PROM1: variants seen among roughly 807,000 people sequenced by gnomAD.
PROM1 encodes prominin 1.
A neutral mutation model predicts 116.9 loss-of-function variants in PROM1; 105 were observed. The ratio of observed to expected loss-of-function variants is 0.90; its 90% CI spans 0.77 to 1.06. PROM1 has a LOEUF of 1.06. Among genes scored for constraint, PROM1 ranks in the 50% least tolerant of loss-of-function variants. The probability of loss-of-function intolerance (pLI) is 0.00; values close to 1 mark genes in which losing one functional copy is unlikely to be tolerated. For missense variants in PROM1, 1,122 were observed against 1,045.2 expected (o/e 1.07, Z -1.01); for synonymous variants, 393 against 387.0 (o/e 1.02, Z -0.18).
In PROM1 at chr4:15,979,906, T is replaced by C. The variant is rs375813885; in HGVS notation, c.2490-2A>G. On this transcript the variant is annotated splice_acceptor_variant, in intron 24 of 27. Transcript: ENST00000447510. LOFTEE classifies it high-confidence loss of function. ...TTTTTCATGGGTATAGTTTCAACAC[T>C]ATAAAATACAAAAAAGGGAGATAAA... The C allele has an allele frequency of 1.1e-4, 157 of 1,389,730 alleles. No individual in the cohort carries two copies. Among genetic ancestry groups the C allele is most frequent in the Non-Finnish European group, 1.5e-4 (149 of 1,026,510 alleles). The allele number at this position is 1,389,730 out of a possible 1,614,324, so 86.1% of individuals were successfully genotyped here.
chr4:16,029,794 C>G (rs947939902), intron 5 of PROM1, among the ~76,000 whole-genome samples: 6 of 152,196 alleles, frequency 3.9e-5, no homozygotes, highest in Non-Finnish European at 8.8e-5. Flanking sequence ...GTGGACTGCT[C>G]TGGGTTTCTG....
intron 13 of PROM1, among the ~76,000 whole-genome samples, chr4:16,002,180 A>G (rs1448748853): frequency 6.6e-6 from 1 of 152,120 alleles, no homozygotes; most frequent in Admixed American, 6.5e-5. Flanking sequence ...GAGTGAAAAG[A>G]CTGTTGCAGG....
intron 19 of PROM1, among the ~76,000 whole-genome samples, chr4:15,989,403 G>T (rs75669422): frequency 9.9e-5 from 15 of 152,114 alleles, no homozygotes; most frequent in Non-Finnish European, 2.9e-5. Context: ...GACAAAGCTC[G>T]GAGAAAAAGA....
chr4:16,051,592 G>C (rs757607697), intron 2 of PROM1, among the ~76,000 whole-genome samples: 4 of 152,180 alleles, frequency 2.6e-5, no homozygotes, highest in Non-Finnish European at 4.4e-5. Context: ...TTGGCCACAG[G>C]TTGAGTGCAA....
chr4:16,027,297 A>AACACACAC lies in PROM1; in HGVS notation c.510-1993_510-1986dup, dbSNP rs144910885. Among the ~76,000 whole-genome samples the AACACACAC allele has an allele frequency of 8.6e-4, 127 of 147,234 alleles. 1 individual carries two copies. The highest frequency in any genetic ancestry group is 1.5e-3 in the African/African-American group (61 of 39,890). On this transcript the variant is annotated intron_variant, in intron 5 of 27. Transcript: ENST00000447510. ...TGATTTTGGAGTTTTGTGAAGAAGAAACACACACACACACACACACACACA... is the reference window on the plus strand; with the variant it reads ...TGATTTTGGAGTTTTGTGAAGAAGAAACACACACACACACACACACACACACACACACA...
chr4:16,063,954 A>G (rs1366622380), intron 2 of PROM1, among the ~76,000 whole-genome samples: 1 of 152,176 alleles, frequency 6.6e-6, no homozygotes, highest in Non-Finnish European at 1.5e-5. Context: ...AGTGATGGAT[A>G]AACAGGGACT....
intron 2 of PROM1, among the ~76,000 whole-genome samples, chr4:16,041,771 TAAATAAATAA>T (rs1164328229): frequency 0.023 from 2,611 of 115,806 alleles, 37 homozygotes; most frequent in African/African-American, 0.04. Context: ...AATAAATAAA[TAAATAAATAA>T]ATAAATATAT....
rs761028015 is a variant in PROM1, at chr4:16,024,359, C to T, written c.631-1G>A. On this transcript the variant is annotated splice_acceptor_variant, in intron 6 of 27. Coordinates refer to ENST00000447510, the MANE Select transcript of PROM1 (RefSeq NM_006017.3). LOFTEE classifies it high-confidence loss of function. The stretch of plus-strand genomic sequence containing the variant: ...ACTGGGCCAATATATATTTGATTTG[C>T]TGAAAAAAGAACATTCTGTGAAACC... The T allele has an allele frequency of 6.2e-7, 1 of 1,608,922 alleles. No homozygotes were observed. Among genetic ancestry groups the T allele is most frequent in the Non-Finnish European group, 8.5e-7 (1 of 1,177,628 alleles).
intron 2 of PROM1, among the ~76,000 whole-genome samples, chr4:16,069,885 T>C (rs1173721608): frequency 6.6e-6 from 1 of 152,130 alleles, no homozygotes; most frequent in Non-Finnish European, 1.5e-5. Flanking sequence ...AAAACACAAC[T>C]GAGGTACAGG....
chr4:16,035,904 T>C (rs988580477), intron 3 of PROM1, 143 bp from the exon 4 acceptor site: 2 of 789,602 alleles, frequency 2.5e-6, no homozygotes, highest in African/African-American at 3.4e-5. Flanking sequence ...AGGATAAACA[T>C]GAGAAAGGAA....
Position 16,075,936 on chromosome 4 carries a change from G to A in PROM1, c.-30C>T. ...AGCAAGATCCTCCAAACATGAGGTA[G>A]AACTTGGTGCCTCCTGCCTCAGAGC... On this transcript the variant is annotated 5_prime_UTR_variant, in exon 2 of 28. Coordinates refer to ENST00000447510, the MANE Select transcript of PROM1 (RefSeq NM_006017.3). 6.4e-7 allele frequency: 1 copy of A among 1,568,700 alleles called. No homozygotes were observed. The highest frequency in any genetic ancestry group is 2.3e-5 in the East Asian group (1 of 43,394).
chr4:16,057,693 T>C (rs956625100), intron 2 of PROM1, among the ~76,000 whole-genome samples: 4 of 152,238 alleles, frequency 2.6e-5, no homozygotes, highest in African/African-American at 9.6e-5. Context: ...CGACTCTTCT[T>C]ATTTTAATCC....
chr4:16,005,498 GT>G (rs1560463419), intron 13 of PROM1, among the ~76,000 whole-genome samples: 1 of 774 alleles, frequency 1.3e-3, no homozygotes, highest in Non-Finnish European at 2.8e-3. Flanking sequence ...TTTGTTTGGT[GT>G]GTGTGTGTGT....
chr4:16,017,246 AATCGTG>A, intron 9 of PROM1, among the ~76,000 whole-genome samples: 1 of 152,342 alleles, frequency 6.6e-6, no homozygotes, highest in East Asian at 1.9e-4. Flanking sequence ...AATGGTGCAA[AATCGTG>A]ACCCTTGAAG....
chr4:16,006,782 A>T, intron 12 of PROM1, 92 bp from the exon 13 acceptor site: 1 of 1,289,904 alleles, frequency 7.8e-7, no homozygotes, highest in South Asian at 1.4e-5. Flanking sequence ...CCGATGAGTT[A>T]TTCTTGGCTT....
intron 4 of PROM1, among the ~76,000 whole-genome samples, chr4:16,033,729 T>C (rs568754167): frequency 6.6e-6 from 1 of 151,866 alleles, no homozygotes; most frequent in African/African-American, 2.4e-5. Context: ...ACTGTATTTT[T>C]AGTAGAGACA....
chr4:16,048,338 T>C (rs1180116566), intron 2 of PROM1, among the ~76,000 whole-genome samples: 2 of 152,228 alleles, frequency 1.3e-5, no homozygotes, highest in African/African-American at 4.8e-5. Flanking sequence ...ACCTGAGTGA[T>C]ATGCATTGAA....
chr4:16,011,992 T>C (rs1022526106), intron 11 of PROM1, among the ~76,000 whole-genome samples: 6 of 151,884 alleles, frequency 4.0e-5, no homozygotes, highest in African/African-American at 9.7e-5. Context: ...TTCTTTTCTG[T>C]TCTTTTTTGT....
chr4:16,013,267 A>C lies in PROM1; in HGVS notation c.1141+8T>G. On this transcript the variant is annotated splice_region_variant and intron_variant, in intron 11 of 27. Transcript: ENST00000447510. ...AATCACAAAATCACCTCAAACTGTG[A>C]ATCTCACCTGCTACGACAGTCGTGG... 1 of 1,597,704 alleles carries C rather than the reference A, an allele frequency of 6.3e-7. No homozygotes were observed. The highest frequency in any genetic ancestry group is 8.6e-7 in the Non-Finnish European group (1 of 1,165,116).
Sources: allele counts gnomAD v4.1 joint callset (sites outside exome capture counted in the v4.1 genomes callset), GRCh38; gene constraint gnomAD v4.1.1; transcripts MANE v1.5; gene names NCBI Gene and HGNC (gene_info 2026-07-23, HGNC 2026-07-21).